The following DPF3 variants were observed in gnomAD, a reference collection of about 807,000 sequenced individuals.
DPF3 encodes zinc finger protein DPF3.
A neutral mutation model predicts 56.8 loss-of-function variants in DPF3; 18 were observed. The observed-to-expected ratio is 0.32, with a 90% confidence interval of 0.22 to 0.47. The LOEUF (loss-of-function observed/expected upper bound fraction) is 0.47. Ranked by LOEUF, DPF3 falls within the 20% of genes least tolerant of loss-of-function variation. The pLI is 1.00. For missense variants in DPF3, 403 were observed against 488.8 expected (o/e 0.82, Z 1.65); for synonymous variants, 188 against 180.2 (o/e 1.04, Z -0.35).
intron 1 of DPF3, among the ~76,000 whole-genome samples, chr14:72,857,675 C>T (rs113020878): frequency 0.025 from 3,766 of 152,190 alleles, 150 homozygotes; most frequent in African/African-American, 0.087. Context: ...CAACCTCCGC[C>T]TCCTGGGTTC....
At chr14:72,723,954 A>G in intron 4 of DPF3, 1 of 452,692 alleles carries the variant, frequency 2.2e-6, no homozygotes. Flanking sequence ...AAGTCCTCCC[A>G]GAACACTGAC....
chr14:72,820,273 A>G (rs1883475123), intron 1 of DPF3, among the ~76,000 whole-genome samples: 1 of 152,224 alleles, frequency 6.6e-6, no homozygotes, highest in Non-Finnish European at 1.5e-5. Context: ...AAATTGATAT[A>G]AAAAGCATTA....
At position 72,611,162 on chromosome 14, in the gene DPF3, CAG is replaced by C. The variant is rs1242224739; in HGVS notation, c.*8133_*8134del. Reference sequence around the variant, plus strand: ...CTCTGAGCCAACATCCACACATGGACAGATACACACCTTCCCCCAAGCCCAGG... The same window carrying C: ...CTCTGAGCCAACATCCACACATGGACATACACACCTTCCCCCAAGCCCAGG... On this transcript the variant is annotated 3_prime_UTR_variant, in exon 11 of 11. Coordinates refer to ENST00000556509, the MANE Select transcript of DPF3 (RefSeq NM_001280542.3). 6.6e-6 allele frequency among the ~76,000 whole-genome samples: 1 copy of C among 152,212 alleles called. No homozygotes were observed. Among genetic ancestry groups the C allele is most frequent in the East Asian group, 1.9e-4 (1 of 5,194 alleles).
chr14:72,760,659 A>G (rs1891033557), intron 2 of DPF3, among the ~76,000 whole-genome samples: 1 of 152,184 alleles, frequency 6.6e-6, no homozygotes, highest in South Asian at 2.1e-4. Context: ...GATGTACACT[A>G]TAAACACTAA....
chr14:72,797,427 T>G (rs552676463), intron 1 of DPF3, among the ~76,000 whole-genome samples: 1 of 152,218 alleles, frequency 6.6e-6, no homozygotes, highest in African/African-American at 2.4e-5. Flanking sequence ...GAGGCAGGAG[T>G]CAATGTCTCA....
rs183762041 is a variant in DPF3, at chr14:72,752,467, G to A, written c.301+797C>T. 4.6e-5 allele frequency among the ~76,000 whole-genome samples: 7 copies of A among 152,204 alleles called. No individual in the cohort carries two copies. The East Asian group carries it at 7.7e-4, about 17-fold the overall frequency. ...CGCTTGAGGCCAAGAGTTCAAGACCGGCCTGGCCAACATGGTGAAACACTG... is the reference window on the plus strand; with the variant it reads ...CGCTTGAGGCCAAGAGTTCAAGACCAGCCTGGCCAACATGGTGAAACACTG... On this transcript the variant is annotated intron_variant, in intron 3 of 10. Transcript: ENST00000556509.
At chr14:72,882,440 T>G (rs1184090078) in intron 1 of DPF3, among the ~76,000 whole-genome samples, 1 of 152,196 alleles carries the variant, frequency 6.6e-6, no homozygotes, top group East Asian at 1.9e-4. Context: ...GGGGAAACCC[T>G]CCAGTTCTTC....
intron 1 of DPF3, among the ~76,000 whole-genome samples, chr14:72,815,626 A>C (rs1288256822): frequency 6.6e-6 from 1 of 152,292 alleles, no homozygotes; most frequent in African/African-American, 2.4e-5. Context: ...GCAGCCACAC[A>C]GTGGAACGCA....
intron 1 of DPF3, among the ~76,000 whole-genome samples, chr14:72,834,789 A>G (rs904287570): frequency 7.9e-5 from 12 of 152,258 alleles, no homozygotes; most frequent in Admixed American, 4.6e-4. Context: ...AAAAGCAGAG[A>G]TAAAGCAAAT....
chr14:72,855,450 C>A (rs918334777), intron 1 of DPF3, among the ~76,000 whole-genome samples: 2 of 152,186 alleles, frequency 1.3e-5, no homozygotes, highest in Non-Finnish European at 2.9e-5. Flanking sequence ...GTGATCTACC[C>A]AGGACAGCAT....
chr14:72,713,315 G>A (rs971932199), intron 6 of DPF3, among the ~76,000 whole-genome samples: 3 of 152,246 alleles, frequency 2.0e-5, no homozygotes, highest in Non-Finnish European at 4.4e-5. Flanking sequence ...CCAACCAGCT[G>A]TCACCCCATT....
intron 1 of DPF3, among the ~76,000 whole-genome samples, chr14:72,795,195 T>TACCG (rs2139990428): frequency 6.7e-6 from 1 of 150,358 alleles, no homozygotes; most frequent in African/African-American, 2.5e-5. Flanking sequence ...TACACTTGAA[T>TACCG]ACCGTCAAAG....
At chr14:72,759,195 A>G (rs1890965809) in intron 2 of DPF3, among the ~76,000 whole-genome samples, 1 of 152,220 alleles carries the variant, frequency 6.6e-6, no homozygotes, top group Admixed American at 6.5e-5. Flanking sequence ...GTCAGATTAG[A>G]TATTGCAGAA....
intron 8 of DPF3, among the ~76,000 whole-genome samples, chr14:72,660,817 C>T (rs536485931): frequency 9.2e-5 from 14 of 152,258 alleles, no homozygotes; most frequent in African/African-American, 2.2e-4. Flanking sequence ...AGAGAATGAA[C>T]GCTGGCACCA....
intron 8 of DPF3, among the ~76,000 whole-genome samples, chr14:72,646,334 T>C (rs2526916): frequency 1.3e-5 from 2 of 152,202 alleles, no homozygotes; most frequent in Non-Finnish European, 2.9e-5. Context: ...GAGGATGGGA[T>C]ATCTGCTTAC....
At chr14:72,747,778 T>C (rs766552240) in intron 3 of DPF3, among the ~76,000 whole-genome samples, 1 of 152,160 alleles carries the variant, frequency 6.6e-6, no homozygotes, top group African/African-American at 2.4e-5. Context: ...GTTCTTATGA[T>C]AGTGAATGGG....
At chr14:72,634,489 G>T (rs1286426130) in intron 8 of DPF3, among the ~76,000 whole-genome samples, 1 of 152,134 alleles carries the variant, frequency 6.6e-6, no homozygotes, top group African/African-American at 2.4e-5. Flanking sequence ...ATTCCTAAAT[G>T]CTTTGAAAGT....
At chr14:72,705,277 G>T (rs1942491770) in intron 6 of DPF3, among the ~76,000 whole-genome samples, 1 of 151,894 alleles carries the variant, frequency 6.6e-6, no homozygotes, top group Non-Finnish European at 1.5e-5. Context: ...GATCTAGGTT[G>T]CACACTCCTT....
At chr14:72,858,364 C>T (rs2140093517) in intron 1 of DPF3, among the ~76,000 whole-genome samples, 1 of 148,796 alleles carries the variant, frequency 6.7e-6, no homozygotes, top group South Asian at 2.2e-4. Flanking sequence ...CACTTACCCA[C>T]TCTGCTATAT....
Sources: gnomAD v4.1 joint callset for allele counts (sites outside exome capture counted in the v4.1 genomes callset) on GRCh38, gnomAD v4.1.1 for gene constraint, MANE v1.5 for transcripts, NCBI Gene and HGNC (gene_info 2026-07-23, HGNC 2026-07-21) for gene names.